The following BHMT variants were observed in gnomAD, a reference collection of about 807,000 sequenced individuals.
BHMT encodes the protein betaine--homocysteine S-methyltransferase 1.
In BHMT, 38 loss-of-function variants were observed where a neutral mutation model predicts 49.5. That is an observed-to-expected ratio of 0.77 (90% CI 0.59 to 1.01). The LOEUF is 1.01. Among genes scored for constraint, BHMT ranks in the 50% least tolerant of loss-of-function variants. The probability of loss-of-function intolerance (pLI) is 0.00; values close to 1 mark genes in which losing one functional copy is unlikely to be tolerated. For synonymous variants in BHMT, 166 were observed against 176.3 expected, an observed-to-expected ratio of 0.94 and a Z score of 0.46; for missense variants, 426 against 495.7, an observed-to-expected ratio of 0.86 and a Z score of 1.34.
At chr5:79,130,126 A>G (rs1756614465) in intron 7 of BHMT, among the ~76,000 whole-genome samples, 1 of 152,108 alleles carries the variant, frequency 6.6e-6, no homozygotes, top group Non-Finnish European at 1.5e-5. Flanking sequence ...GTGAGCCAAG[A>G]TCGTACCACT....
chr5:79,126,274 T>A, intron 6 of BHMT, 46 bp downstream of exon 6: 1 of 1,593,918 alleles, frequency 6.3e-7, no homozygotes, highest in Non-Finnish European at 8.6e-7. Context: ...TCATTTGATA[T>A]GCATATAAAC....
At chr5:79,124,779 G>A (rs1358580100) in intron 5 of BHMT, among the ~76,000 whole-genome samples, 4 of 152,148 alleles carry the variant, frequency 2.6e-5, no homozygotes, top group Non-Finnish European at 5.9e-5. Flanking sequence ...GTCTGGGGAG[G>A]CTGAAATGTA....
chr5:79,126,478 C>T (rs1756555797), intron 6 of BHMT, among the ~76,000 whole-genome samples: 1 of 152,100 alleles, frequency 6.6e-6, no homozygotes, highest in Non-Finnish European at 1.5e-5. Flanking sequence ...GAATCAGCAT[C>T]TAAACAGACA....
rs1231668571 is a variant in BHMT, at chr5:79,131,191, A to T, written c.*75A>T. The T allele has an allele frequency of 7.0e-7, 1 of 1,435,590 alleles. No individual in the cohort carries two copies. Among genetic ancestry groups the T allele is most frequent in the Non-Finnish European group, 9.5e-7 (1 of 1,054,424 alleles). 88.9% of individuals were successfully genotyped at this position (1,435,590 alleles called of 1,614,324 possible). A position where few individuals can be genotyped will look rare whatever the true frequency, so the allele number is the denominator to read the frequency against. Reference sequence around the variant, plus strand: ...TCCTACAAATACGGAAAAGGGGGTTAAAAAGCAGTGCTTTCATGAATGCCA... The same window carrying T: ...TCCTACAAATACGGAAAAGGGGGTTTAAAAGCAGTGCTTTCATGAATGCCA... On this transcript the variant is annotated 3_prime_UTR_variant, in exon 8 of 8. Coordinates refer to ENST00000274353, the MANE Select transcript of BHMT (RefSeq NM_001713.3).
intron 6 of BHMT, 32 bp downstream of exon 6, chr5:79,126,260 A>G (rs757908279): frequency 1.2e-6 from 2 of 1,603,450 alleles, no homozygotes; most frequent in Admixed American, 1.7e-5. Flanking sequence ...TCATCTCAAT[A>G]TCTTCATTTG....
At chr5:79,119,572 G>A (rs1561253294) in intron 3 of BHMT, 195 bp downstream of exon 3, 3 of 457,168 alleles carry the variant, frequency 6.6e-6, no homozygotes, top group South Asian at 3.8e-5. Flanking sequence ...GGCATTTAGC[G>A]AAGCAGATGA....
chr5:79,120,288 A>G, intron 3 of BHMT, 62 bp from the exon 4 acceptor site: 1 of 1,399,116 alleles, frequency 7.1e-7, no homozygotes, highest in Non-Finnish European at 9.6e-7. Flanking sequence ...GAATGTTTGA[A>G]TAATAATTTT....
intron 5 of BHMT, among the ~76,000 whole-genome samples, chr5:79,123,365 T>C (rs1320243350): frequency 6.6e-6 from 1 of 152,214 alleles, no homozygotes; most frequent in Non-Finnish European, 1.5e-5. Context: ...CCATGGGTTG[T>C]GGCACCAGCT....
intron 5 of BHMT, among the ~76,000 whole-genome samples, chr5:79,124,640 A>G (rs1056250400): frequency 1.3e-5 from 2 of 152,232 alleles, no homozygotes; most frequent in Admixed American, 1.3e-4. Flanking sequence ...AGTTAAGAAC[A>G]TAATGACTAT....
intron 2 of BHMT, among the ~76,000 whole-genome samples, chr5:79,117,466 T>G (rs1291543904): frequency 6.6e-6 from 1 of 152,206 alleles, no homozygotes; most frequent in Non-Finnish European, 1.5e-5. Context: ...AATTTAGGGA[T>G]GCTTTTGAGG....
At chr5:79,112,925 T>C (rs1281787012) in intron 1 of BHMT, among the ~76,000 whole-genome samples, 1 of 152,164 alleles carries the variant, frequency 6.6e-6, no homozygotes, top group Non-Finnish European at 1.5e-5. Context: ...GTCCCAGGCC[T>C]GGCACGACAG....
intron 7 of BHMT, among the ~76,000 whole-genome samples, chr5:79,130,029 A>C (rs1756613163): frequency 6.6e-6 from 1 of 152,060 alleles, no homozygotes; most frequent in Non-Finnish European, 1.5e-5. Context: ...CTAATTTTGT[A>C]CCTATGTGGT....
intron 5 of BHMT, among the ~76,000 whole-genome samples, chr5:79,123,812 A>C (rs1756510308): frequency 6.6e-6 from 1 of 152,188 alleles, no homozygotes; most frequent in African/African-American, 2.4e-5. Flanking sequence ...TCAGCCTCGC[A>C]AAGTGCTAAG....
chr5:79,127,197 A>G (rs757139065), intron 6 of BHMT, among the ~76,000 whole-genome samples: 1 of 152,126 alleles, frequency 6.6e-6, no homozygotes, highest in Non-Finnish European at 1.5e-5. Context: ...GGCTATTATC[A>G]CCTGAAGGCC....
intron 4 of BHMT, 75 bp from the exon 5 acceptor site, chr5:79,121,143 T>G (rs1055007489): frequency 6.5e-7 from 1 of 1,534,802 alleles, no homozygotes; most frequent in Non-Finnish European, 8.8e-7. Context: ...AGAGCAAAAC[T>G]CCGTCTCAAA....
intron 1 of BHMT, among the ~76,000 whole-genome samples, chr5:79,112,512 C>A (rs774479062): frequency 4.7e-4 from 72 of 152,330 alleles, no homozygotes; most frequent in South Asian, 1.0e-3. Context: ...GGCCGCCTCC[C>A]CGCCGGGTTC....
rs746271866 is a variant in BHMT, at chr5:79,115,907, C to T, written c.166+8C>T. 6.2e-7 allele frequency: 1 copy of T among 1,610,168 alleles called. No homozygotes were observed. Among genetic ancestry groups the T allele is most frequent in the South Asian group, 1.1e-5 (1 of 90,396 alleles). Reference sequence around the variant, plus strand: ...TGGAGCACCCAGAAGCAGGTTGGTGCAGAGCTCTATTGTAAGTTCTCATAA... The same window carrying T: ...TGGAGCACCCAGAAGCAGGTTGGTGTAGAGCTCTATTGTAAGTTCTCATAA... On this transcript the variant is annotated splice_region_variant and intron_variant, in intron 2 of 7. Transcript: ENST00000274353.
chr5:79,117,190 C>A (rs1052499845), intron 2 of BHMT, among the ~76,000 whole-genome samples: 3 of 152,178 alleles, frequency 2.0e-5, no homozygotes, highest in Non-Finnish European at 2.9e-5. Context: ...ATTTTATAGA[C>A]CTTCTGCACT....
intron 7 of BHMT, among the ~76,000 whole-genome samples, chr5:79,130,106 G>A (rs1319847335): frequency 2.6e-5 from 4 of 152,116 alleles, no homozygotes; most frequent in Admixed American, 2.6e-4. Flanking sequence ...CCTGGGAGGC[G>A]GGGGTTGCAG....
Sources: allele counts gnomAD v4.1 joint callset (sites outside exome capture counted in the v4.1 genomes callset), GRCh38; gene constraint gnomAD v4.1.1; transcripts MANE v1.5; gene names NCBI Gene and HGNC (gene_info 2026-07-23, HGNC 2026-07-21).